Variants in GRK3 observed in about 807,000 individuals in gnomAD.
GRK3 encodes the protein G protein-coupled receptor kinase 3.
In GRK3, 54 loss-of-function variants were observed where a neutral mutation model predicts 95.7. The ratio of observed to expected loss-of-function variants is 0.56; its 90% CI spans 0.45 to 0.71. The LOEUF is 0.71. Among genes scored for constraint, GRK3 ranks in the 30% least tolerant of loss-of-function variants. GRK3 has a pLI of 0.00. For synonymous variants in GRK3, 281 were observed against 290.8 expected, an observed-to-expected ratio of 0.97 and a Z score of 0.34; for missense variants, 649 against 851.2, an observed-to-expected ratio of 0.76 and a Z score of 2.96.
rs895895976 is a variant in GRK3 at position 25,728,708 on chromosome 22, C to T, written c.*6258C>T. 1 of 152,174 alleles carries T rather than the reference C, an allele frequency of 6.6e-6. No homozygotes were observed. Among genetic ancestry groups the T allele is most frequent in the African/African-American group, 2.4e-5 (1 of 41,430 alleles). The allele number at this position is 152,174 out of a possible 1,614,324, so 9.4% of individuals were successfully genotyped here. A position where few individuals can be genotyped will look rare whatever the true frequency, so the allele number is the denominator to read the frequency against. On this transcript the variant is annotated 3_prime_UTR_variant, in exon 21 of 21. Transcript: ENST00000324198. Reference sequence around the variant, plus strand: ...TTAAGAGTAGCACATTTGAGTGTGACTTTTTCCCCCCTTCACTATTTCAAA... The same window carrying T: ...TTAAGAGTAGCACATTTGAGTGTGATTTTTTCCCCCCTTCACTATTTCAAA...
In GRK3 at chr22:25,726,339, C is replaced by T. The variant is rs887197792; in HGVS notation, c.*3889C>T. On this transcript the variant is annotated 3_prime_UTR_variant, in exon 21 of 21. Transcript: ENST00000324198. ...GAAAACAACGTTCTCAAAGTCTGGC[C>T]TCTTTAGCATGATGTAAACCTATAG... The T allele has an allele frequency of 2.6e-5, 4 of 152,278 alleles. No homozygotes were observed. The highest frequency in any genetic ancestry group is 9.6e-5 in the African/African-American group (4 of 41,540). 9.4% of individuals were successfully genotyped at this position (152,278 alleles called of 1,614,324 possible). A position where few individuals can be genotyped will look rare whatever the true frequency, so the allele number is the denominator to read the frequency against.
chr22:25,673,219 G>C (rs1021086950), intron 7 of GRK3, among the ~76,000 whole-genome samples: 2 of 151,890 alleles, frequency 1.3e-5, no homozygotes, highest in Non-Finnish European at 2.9e-5. Flanking sequence ...CCGCCACCAT[G>C]CCCGGCTAAT....
chr22:25,662,531 G>T (rs2084916252), intron 4 of GRK3, among the ~76,000 whole-genome samples: 1 of 152,176 alleles, frequency 6.6e-6, no homozygotes, highest in Admixed American at 6.5e-5. Context: ...GTATTTTGGT[G>T]CTTCTGTATT....
chr22:25,596,078 G>A (rs1470292515), intron 1 of GRK3, among the ~76,000 whole-genome samples: 1 of 152,216 alleles, frequency 6.6e-6, no homozygotes, highest in Non-Finnish European at 1.5e-5. Flanking sequence ...AAGAAGGGAA[G>A]AGTAAAAATC....
chr22:25,620,343 C>A (rs1216089422), intron 2 of GRK3, among the ~76,000 whole-genome samples: 1 of 152,054 alleles, frequency 6.6e-6, no homozygotes, highest in African/African-American at 2.4e-5. Context: ...ATGTTCTGCA[C>A]ACGTGGGGAT....
chr22:25,618,537 CCT>C (rs2084557172), intron 2 of GRK3, among the ~76,000 whole-genome samples: 1 of 152,116 alleles, frequency 6.6e-6, no homozygotes, highest in South Asian at 2.1e-4. Context: ...ACTAACAATC[CCT>C]GTTATTTCAT....
At chr22:25,644,146 TGTTTGTTTG>T (rs1569176884) in intron 2 of GRK3, among the ~76,000 whole-genome samples, 1 of 150,994 alleles carries the variant, frequency 6.6e-6, no homozygotes, top group Non-Finnish European at 1.5e-5. Flanking sequence ...TTTTTTTTTT[TGTTTGTTTG>T]TTTTTTTTTT....
rs181903731 is a variant in GRK3 at position 25,614,086 on chromosome 22, G to A, written c.190+9633G>A. 5.5e-3 allele frequency among the ~76,000 whole-genome samples: 834 copies of A among 152,134 alleles called. 4 individuals carry two copies. The highest frequency in any genetic ancestry group is 0.019 in the African/African-American group (801 of 41,480). On this transcript the variant is annotated intron_variant, in intron 2 of 20. Transcript: ENST00000324198. ...CTACTAATCACTAGAAACTATAGGA[G>A]CACTGATTTGCCAGCTAGCAAATGT... is the stretch of plus-strand genomic sequence containing the variant.
At position 25,649,436 on chromosome 22, in the gene GRK3, C is replaced by T. The variant is rs141390827; in HGVS notation, c.264+4771C>T. On this transcript the variant is annotated intron_variant, in intron 3 of 20. Coordinates refer to ENST00000324198, the MANE Select transcript of GRK3 (RefSeq NM_005160.4). The stretch of plus-strand genomic sequence containing the variant: ...AAAGTACGATGATGAATTTTCCAAC[C>T]GATTTCAGGGTCCAAAGAAAATAGA... Among the ~76,000 whole-genome samples the T allele has an allele frequency of 8.2e-4, 125 of 152,200 alleles. 1 individual carries two copies. In the East Asian group the frequency reaches 0.011, roughly 14 times the overall value.
intron 1 of GRK3, among the ~76,000 whole-genome samples, chr22:25,594,101 A>G (rs1248851567): frequency 6.6e-6 from 1 of 151,934 alleles, no homozygotes; most frequent in Non-Finnish European, 1.5e-5. Flanking sequence ...TTTTTATTCC[A>G]TATTAATCTT....
At position 25,705,301 on chromosome 22, in the gene GRK3, G is replaced by A. The variant is rs1029037698; in HGVS notation, c.1328+1092G>A. Among the ~76,000 whole-genome samples the A allele has an allele frequency of 3.3e-5, 5 of 152,082 alleles. No homozygotes were observed. In the South Asian group the frequency reaches 1.0e-3, roughly 32 times the overall value. ...TAAATTCCATGCTTAACCCGGTCTT[G>A]CCTTTTTCCAACTATAAACAGTATC... On this transcript the variant is annotated intron_variant, in intron 15 of 20. Coordinates refer to ENST00000324198, the MANE Select transcript of GRK3 (RefSeq NM_005160.4).
chr22:25,587,254 T>C (rs1250182298), intron 1 of GRK3, among the ~76,000 whole-genome samples: 1 of 152,116 alleles, frequency 6.6e-6, no homozygotes, highest in African/African-American at 2.4e-5. Context: ...AAAATTACTC[T>C]TGGAAACAAG....
At position 25,620,006 on chromosome 22, in the gene GRK3, T is replaced by TTGTGTGTG. The variant is rs56260834; in HGVS notation, c.190+15598_190+15605dup. Reference sequence around the variant, plus strand: ...TTACTCTTCCTTTCCTTTGTCTTTTTTGTGTGTGTGTGTGTGTGTGTGTGT... The same window carrying TTGTGTGTG: ...TTACTCTTCCTTTCCTTTGTCTTTTTTGTGTGTGTGTGTGTGTGTGTGTGTGTGTGTGT... On this transcript the variant is annotated intron_variant, in intron 2 of 20. Coordinates refer to ENST00000324198, the MANE Select transcript of GRK3 (RefSeq NM_005160.4). Among the ~76,000 whole-genome samples the TTGTGTGTG allele has an allele frequency of 8.7e-3, 781 of 90,282 alleles. 7 individuals carry two copies. Among genetic ancestry groups the TTGTGTGTG allele is most frequent in the Middle Eastern group, 0.011 (2 of 176 alleles). 59.2% of individuals were successfully genotyped at this position (90,282 alleles called of 152,430 possible).
intron 2 of GRK3, among the ~76,000 whole-genome samples, chr22:25,638,297 T>C (rs2084717900): frequency 6.6e-6 from 1 of 152,216 alleles, no homozygotes. Context: ...ATTTAAATGC[T>C]ACACTAGGAA....
intron 15 of GRK3, 140 bp from the exon 16 acceptor site, chr22:25,709,758 G>A: frequency 1.5e-6 from 1 of 674,806 alleles, no homozygotes; most frequent in Non-Finnish European, 2.7e-6. Flanking sequence ...TTGTTTTGAA[G>A]GAAGCATATT....
In GRK3 at chr22:25,667,712, G is replaced by T. The variant is rs182485969; in HGVS notation, c.442-27G>T. Reference sequence around the variant, plus strand: ...TTTGATACATTCCGATTCATTCACCGTGGAATTTCTTTTCCATCTCTTCCA... The same window carrying T: ...TTTGATACATTCCGATTCATTCACCTTGGAATTTCTTTTCCATCTCTTCCA... On this transcript the variant is annotated intron_variant, in intron 5 of 20. Coordinates refer to ENST00000324198, the MANE Select transcript of GRK3 (RefSeq NM_005160.4). 11 of 1,559,712 alleles carry T rather than the reference G, an allele frequency of 7.1e-6. No homozygotes were observed. In the African/African-American group the frequency reaches 1.4e-4, roughly 19 times the overall value.
chr22:25,689,864 G>A (rs1024933297), intron 11 of GRK3, among the ~76,000 whole-genome samples: 4 of 152,258 alleles, frequency 2.6e-5, no homozygotes, highest in African/African-American at 9.6e-5. Flanking sequence ...TTGTGGCTGC[G>A]CAACAGTCCT....
chr22:25,707,010 A>G (rs2085305087), intron 15 of GRK3, among the ~76,000 whole-genome samples: 1 of 151,496 alleles, frequency 6.6e-6, no homozygotes, highest in African/African-American at 2.4e-5. Context: ...TTTATAGAGA[A>G]GGGGTCTTGC....
Position 25,594,147 on chromosome 22 carries a change from TG to T in GRK3, c.114-10228del, listed in dbSNP as rs547252075. The stretch of plus-strand genomic sequence containing the variant: ...TTACCCATCCTGTGAAAAATGACAT[TG>T]GTAGTTTGATAGCAATAGCATTGAA... On this transcript the variant is annotated intron_variant, in intron 1 of 20. Transcript: ENST00000324198. Among the ~76,000 whole-genome samples the T allele has an allele frequency of 2.4e-4, 36 of 152,330 alleles. 1 individual carries two copies. In the East Asian group the frequency reaches 6.9e-3, roughly 29 times the overall value.
Sources: allele counts gnomAD v4.1 joint callset (sites outside exome capture counted in the v4.1 genomes callset), GRCh38; gene constraint gnomAD v4.1.1; transcripts MANE v1.5; gene names NCBI Gene and HGNC (gene_info 2026-07-23, HGNC 2026-07-21).